CACNB1: variants seen among roughly 807,000 people sequenced by gnomAD.
The protein encoded by CACNB1 is calcium voltage-gated channel auxiliary subunit beta 1.
CACNB1 carries 29 observed loss-of-function variants against 71.6 expected under a neutral mutation model. The ratio of observed to expected loss-of-function variants is 0.40; its 90% CI spans 0.30 to 0.55. CACNB1 has a LOEUF of 0.55. Among genes scored for constraint, CACNB1 ranks in the 20% least tolerant of loss-of-function variants. The pLI is 0.38. For synonymous variants in CACNB1, 300 were observed against 319.6 expected, an observed-to-expected ratio of 0.94 and a Z score of 0.65; for missense variants, 623 against 801.8, an observed-to-expected ratio of 0.78 and a Z score of 2.69.
chr17:39,177,731 C>A (rs906315664), intron 12 of CACNB1, among the ~76,000 whole-genome samples, 196 bp from the exon 13 acceptor site: 1 of 152,132 alleles, frequency 6.6e-6, no homozygotes, highest in African/African-American at 2.4e-5. Context: ...GGCACTCAGT[C>A]CAACTCCCTC....
rs1229196306 is a variant in CACNB1 at position 39,197,663 on chromosome 17, C to T, written c.-168G>A. 11 of 536,350 alleles carry T rather than the reference C, an allele frequency of 2.1e-5. No homozygotes were observed. The highest frequency in any genetic ancestry group is 3.5e-5 in the Non-Finnish European group (11 of 309,984). The allele number at this position is 536,350 out of a possible 1,614,324, so 33.2% of individuals were successfully genotyped here. On this transcript the variant is annotated 5_prime_UTR_variant, in exon 1 of 14. Transcript: ENST00000394303. ...TGCCTTCCCTCGCTCCTCCCGCTCTCTCCACTGCCGCCGCCGCCTCCCCCG... is the reference window on the plus strand; with the variant it reads ...TGCCTTCCCTCGCTCCTCCCGCTCTTTCCACTGCCGCCGCCGCCTCCCCCG...
chr17:39,189,208 T>C (rs801237), intron 3 of CACNB1, among the ~76,000 whole-genome samples: 53,362 of 149,656 alleles, frequency 0.36, 12,217 homozygotes, highest in African/African-American at 0.67. Context: ...ACTAAAAATA[T>C]AAAAATTAGC....
At chr17:39,185,384 C>CA (rs1344505864) in intron 6 of CACNB1, among the ~76,000 whole-genome samples, 1 of 152,056 alleles carries the variant, frequency 6.6e-6, no homozygotes, top group East Asian at 1.9e-4. Flanking sequence ...GCAGGACTGA[C>CA]AGTCAGTCCA....
At chr17:39,185,848 G>C in intron 6 of CACNB1, 1 of 1,321,646 alleles carries the variant, frequency 7.6e-7, no homozygotes, top group Non-Finnish European at 1.0e-6. Flanking sequence ...GATGCCCACA[G>C]AACAGGTTGG....
intron 3 of CACNB1, among the ~76,000 whole-genome samples, chr17:39,188,485 G>A (rs1310160998): frequency 6.6e-6 from 1 of 151,780 alleles, no homozygotes; most frequent in Admixed American, 6.6e-5. Context: ...TGAGGCAGGA[G>A]AATTACTTCA....
At chr17:39,185,827 C>G in intron 6 of CACNB1, 1 of 1,051,782 alleles carries the variant, frequency 9.5e-7, no homozygotes. Context: ...TCCACCTCAG[C>G]AGGAAGCCCT....
Position 39,175,954 on chromosome 17 carries a change from G to A in CACNB1, c.1333-297C>T, listed in dbSNP as rs1222636328. On this transcript the variant is annotated intron_variant, in intron 13 of 13. Coordinates refer to ENST00000394303, the MANE Select transcript of CACNB1 (RefSeq NM_000723.5). The surrounding 1 kb of genome is among the most constrained non-coding windows in gnomAD (Gnocchi z 4.7). Reference sequence around the variant, plus strand: ...TGAGCCATGAGTCACCGCTTCCTCAGTGCAGGTCATTAATGCTATCTTGGG... The same window carrying A: ...TGAGCCATGAGTCACCGCTTCCTCAATGCAGGTCATTAATGCTATCTTGGG... 6.6e-6 allele frequency among the ~76,000 whole-genome samples: 1 copy of A among 152,190 alleles called. No homozygotes were observed. Among genetic ancestry groups the A allele is most frequent in the Non-Finnish European group, 1.5e-5 (1 of 68,032 alleles).
chr17:39,195,036 A>T (rs2144184554), intron 1 of CACNB1, 66 bp from the exon 2 acceptor site: 2 of 1,090,454 alleles, frequency 1.8e-6, no homozygotes, highest in Middle Eastern at 4.1e-4. Flanking sequence ...TCATCTTGCC[A>T]GCCCCAGAGC....
chr17:39,176,837 C>T (rs2045590395), intron 13 of CACNB1, among the ~76,000 whole-genome samples: 1 of 152,106 alleles, frequency 6.6e-6, no homozygotes. Flanking sequence ...TAGAAGATGC[C>T]ACATTCTTGG....
At chr17:39,178,345 CT>C in intron 11 of CACNB1, 1 of 311,158 alleles carries the variant, frequency 3.2e-6, no homozygotes, top group East Asian at 5.9e-5. Context: ...CTCAACTTCT[CT>C]AACATTGTTT....
Position 39,186,413 on chromosome 17 carries a change from C to A in CACNB1, c.628+83G>T. 1 of 1,005,348 alleles carries A rather than the reference C, an allele frequency of 9.9e-7. No homozygotes were observed. The highest frequency in any genetic ancestry group is 1.5e-5 in the South Asian group (1 of 66,134). 62.3% of individuals were successfully genotyped at this position (1,005,348 alleles called of 1,614,324 possible). On this transcript the variant is annotated intron_variant, in intron 6 of 13. Transcript: ENST00000394303. The surrounding 1 kb of genome is among the most constrained non-coding windows in gnomAD (Gnocchi z 4.1). ...CTCAGGATTGGGGTGTTTCCTACTG[C>A]AGGGAAAGGAGGATTCAGGGAGTGG... is the stretch of plus-strand genomic sequence containing the variant.
intron 11 of CACNB1, 55 bp from the exon 12 acceptor site, chr17:39,178,134 C>G: frequency 7.5e-7 from 1 of 1,328,588 alleles, no homozygotes; most frequent in South Asian, 1.2e-5. Context: ...GGCAATGCAC[C>G]CAGTCAGAGA....
Position 39,197,541 on chromosome 17 carries a change from C to T in CACNB1, c.-46G>A. The T allele has an allele frequency of 1.4e-6, 2 of 1,413,590 alleles. No individual in the cohort carries two copies. The highest frequency in any genetic ancestry group is 1.9e-6 in the Non-Finnish European group (2 of 1,056,618). The allele number at this position is 1,413,590 out of a possible 1,614,324, so 87.6% of individuals were successfully genotyped here. A position where few individuals can be genotyped will look rare whatever the true frequency, so the allele number is the denominator to read the frequency against. ...GCCGCCGGCCCGGCCCAGCCGGGCT[C>T]CCTCAGCGCATGGGAGAGGCCGTGG... On this transcript the variant is annotated 5_prime_UTR_variant, in exon 1 of 14. Coordinates refer to ENST00000394303, the MANE Select transcript of CACNB1 (RefSeq NM_000723.5).
chr17:39,185,007 G>C (rs1172830848), intron 7 of CACNB1, 124 bp downstream of exon 7: 1 of 1,026,314 alleles, frequency 9.7e-7, no homozygotes, highest in East Asian at 2.4e-5. Flanking sequence ...GGTGGGGAGG[G>C]ATGGCCAGGG....
At chr17:39,184,414 A>AG (rs1169323475) in intron 8 of CACNB1, 31 bp from the exon 9 acceptor site, 5 of 921,308 alleles carry the variant, frequency 5.4e-6, no homozygotes, top group Admixed American at 2.0e-5. Flanking sequence ...GGAGGGAGGG[A>AG]GGAGAAGGCA....
chr17:39,175,245 C>T lies in CACNB1; in HGVS notation c.1745G>A (p.Gly582Glu). The change falls in exon 14 of 14, where the codon GGG becomes GAG. Residue 582 changes from glycine (G) to glutamate (E), a missense_variant. By Grantham distance (98) the Gly-to-Glu change is moderately conservative (BLOSUM62 -2). Transcript: ENST00000394303. The surrounding 1 kb of genome is among the most constrained non-coding windows in gnomAD (Gnocchi z 4.7). ...GCCCTCCAGCTCATTCTTGTTGCGC[C>T]CCAAAACTGGACCCCCACCCTCAGC... is the stretch of plus-strand genomic sequence containing the variant. ...YCAEGGGPVL[G>E]RNKNELEGWG... 3.1e-6 allele frequency: 5 copies of T among 1,614,122 alleles called. No individual in the cohort carries two copies. The highest frequency in any genetic ancestry group is 4.2e-6 in the Non-Finnish European group (5 of 1,179,986).
At chr17:39,185,920 C>A (rs1316701609) in intron 6 of CACNB1, 11 of 1,601,090 alleles carry the variant, frequency 6.9e-6, no homozygotes, top group Non-Finnish European at 9.4e-6. Flanking sequence ...CTGACTCCCC[C>A]ACCTCTTGCA....
chr17:39,191,544 A>G lies in CACNB1; in HGVS notation c.221T>C (p.Leu74Pro). Residue 74 changes from leucine to proline, a missense_variant, in exon 3 of 14, where the codon CTG becomes CCG. Physicochemically the swap from Leu to Pro is moderately conservative, Grantham distance 98. Coordinates refer to ENST00000394303, the MANE Select transcript of CACNB1 (RefSeq NM_000723.5). ...TSRPSDSDVS[L>P]EEDREALRKE... ...CCTTAAGGCTTCCCGGTCCTCCTCC[A>G]GAGATACATCAGAGTCTGATGGACG... 6.2e-7 allele frequency: 1 copy of G among 1,610,958 alleles called. No homozygotes were observed. Among genetic ancestry groups the G allele is most frequent in the South Asian group, 1.1e-5 (1 of 90,690 alleles).
intron 3 of CACNB1, among the ~76,000 whole-genome samples, chr17:39,190,284 G>T (rs2046042339): frequency 6.6e-6 from 1 of 152,160 alleles, no homozygotes; most frequent in African/African-American, 2.4e-5. Flanking sequence ...AGCCAGGTGT[G>T]GTGGTATGCC....
Sources: gnomAD v4.1 joint callset for allele counts (sites outside exome capture counted in the v4.1 genomes callset) on GRCh38, gnomAD v4.1.1 for gene constraint, Gnocchi (gnomAD v3.1) non-coding constraint, MANE v1.5 for transcripts, NCBI Gene and HGNC (gene_info 2026-07-23, HGNC 2026-07-21) for gene names.